Variants in SLC4A3 observed in about 807,000 individuals in gnomAD.
SLC4A3 encodes the protein solute carrier family 4 member 3.
Under a neutral mutation model 114.2 loss-of-function variants are expected in SLC4A3, and 47 were observed. The observed-to-expected ratio is 0.41, with a 90% CI of 0.33 to 0.52. The LOEUF is 0.52. Among genes scored for constraint, SLC4A3 ranks in the 20% least tolerant of loss-of-function variants. SLC4A3 has a pLI of 0.21. For synonymous variants in SLC4A3, 693 were observed against 710.3 expected, an observed-to-expected ratio of 0.98 and a Z score of 0.39; for missense variants, 1,312 against 1,668.3, an observed-to-expected ratio of 0.79 and a Z score of 3.72.
chr2:219,637,881 C>A lies in SLC4A3; in HGVS notation c.2766+70C>A. On this transcript the variant is annotated intron_variant, in intron 17 of 22. Transcript: ENST00000358055. The surrounding 1 kb of genome is among the most constrained non-coding windows in gnomAD (Gnocchi z 4.6). ...CTGCTGTAGGAGCTCCCCAGAGAGG[C>A]TGCACCCCTTCCCCGGTCAGCCCAT... 2.4e-6 allele frequency: 3 copies of A among 1,274,096 alleles called. No individual in the cohort carries two copies. The highest frequency in any genetic ancestry group is 3.4e-6 in the Non-Finnish European group (3 of 877,534). 78.9% of individuals were successfully genotyped at this position (1,274,096 alleles called of 1,614,324 possible).
intron 12 of SLC4A3, 74 bp from the exon 13 acceptor site, chr2:219,635,197 C>A: frequency 1.6e-6 from 2 of 1,213,540 alleles, no homozygotes; most frequent in Non-Finnish European, 2.4e-6. Context: ...AGTGACCCAA[C>A]ACCCGCCTCA....
chr2:219,641,072 T>G lies in SLC4A3; in HGVS notation c.3621+110T>G. 1 of 1,043,332 alleles carries G rather than the reference T, an allele frequency of 9.6e-7. No homozygotes were observed. The allele number at this position is 1,043,332 out of a possible 1,614,324, so 64.6% of individuals were successfully genotyped here. A position where few individuals can be genotyped will look rare whatever the true frequency, so the allele number is the denominator to read the frequency against. ...TTAGTTGTGAAACTTGTGTAACTTG[T>G]GTTGCAAGTTATCTCACCTTCCGAA... is the stretch of plus-strand genomic sequence containing the variant. On this transcript the variant is annotated intron_variant, in intron 22 of 22. Transcript: ENST00000358055. This position sits in a 1 kb window ranked among gnomAD's most constrained non-coding sequence, Gnocchi z 4.0.
In SLC4A3 at chr2:219,637,708, A is replaced by T; in HGVS notation, c.2663A>T (p.Asn888Ile). The change falls in exon 17 of 23, where the codon AAC becomes ATC. Residue 888 changes from asparagine to isoleucine, a missense_variant. By Grantham distance (149) the Asn-to-Ile change is moderately radical. Transcript: ENST00000358055. The surrounding 1 kb of genome is among the most constrained non-coding windows in gnomAD (Gnocchi z 4.6). ...ACCGAGGGCCCCCCCAGCCCGAGGA[A>T]CCAGCCCAATACGGCACTGCTCTCA... The part of the protein sequence containing the change: ...PPTEGPPSPR[N>I]QPNTALLSLI... 6.2e-7 allele frequency: 1 copy of T among 1,612,818 alleles called. No homozygotes were observed. Among genetic ancestry groups the T allele is most frequent in the Non-Finnish European group, 8.5e-7 (1 of 1,179,026 alleles).
chr2:219,638,217 C>G lies in SLC4A3; in HGVS notation c.2820C>G (p.Val940=), dbSNP rs779427553. The G allele has an allele frequency of 1.1e-5, 18 of 1,612,630 alleles. No individual in the cohort carries two copies. Among genetic ancestry groups the G allele is most frequent in the Non-Finnish European group, 1.5e-5 (18 of 1,179,344 alleles). Residue 940 remains valine, a synonymous_variant, in exon 18 of 23, where the codon GTC becomes GTG. Transcript: ENST00000358055. This position sits in a 1 kb window ranked among gnomAD's most constrained non-coding sequence, Gnocchi z 7.5. ...FGIPISILVM[V]LVDYSITDTY... is the part of the protein sequence containing the mutation. ...TCCCCATCTCCATCCTGGTGATGGTCCTGGTGGATTACTCCATCACAGACA... is the reference window on the plus strand; with the variant it reads ...TCCCCATCTCCATCCTGGTGATGGTGCTGGTGGATTACTCCATCACAGACA...
In SLC4A3 at chr2:219,640,968, G is replaced by A. The variant is rs763120197; in HGVS notation, c.3621+6G>A. On this transcript the variant is annotated splice_donor_region_variant and intron_variant, in intron 22 of 22. Coordinates refer to ENST00000358055, the MANE Select transcript of SLC4A3 (RefSeq NM_005070.4). ...AGGACAGGGAGCTGCAGGCGGTAAG[G>A]GGGTGGTGGTCTGGGGAAACAGTGT... The A allele has an allele frequency of 6.2e-7, 1 of 1,603,380 alleles. No individual in the cohort carries two copies. Among genetic ancestry groups the A allele is most frequent in the Non-Finnish European group, 8.5e-7 (1 of 1,179,748 alleles).
In SLC4A3 at chr2:219,629,788, G is replaced by A. The variant is rs1698852923; in HGVS notation, c.611+93G>A. On this transcript the variant is annotated intron_variant, in intron 5 of 22. Transcript: ENST00000358055. ...CACCTCCTTCCTGACCCTGGGGAGT[G>A]TCCCCAGCTCTGACCCTGAGAAAAG... is the stretch of plus-strand genomic sequence containing the variant. The A allele has an allele frequency of 5.3e-6, 4 of 757,910 alleles. No homozygotes were observed. The South Asian group carries it at 7.0e-5, about 13-fold the overall frequency. 46.9% of individuals were successfully genotyped at this position (757,910 alleles called of 1,614,324 possible).
chr2:219,635,255 CTCT>C lies in SLC4A3; in HGVS notation c.1747-15_1747-13del. ...TTGGCTGTCCCTGAGGGTCCTGGCC[CTCT>C]CATTGCCCCCAGCTGTTTCATGAGG... On this transcript the variant is annotated splice_polypyrimidine_tract_variant and intron_variant, in intron 12 of 22. Coordinates refer to ENST00000358055, the MANE Select transcript of SLC4A3 (RefSeq NM_005070.4). 6.2e-7 allele frequency: 1 copy of C among 1,611,292 alleles called. No homozygotes were observed. The highest frequency in any genetic ancestry group is 8.5e-7 in the Non-Finnish European group (1 of 1,177,590).
In SLC4A3 at chr2:219,630,744, G is replaced by A. The variant is rs1698888762; in HGVS notation, c.811+392G>A. On this transcript the variant is annotated intron_variant, in intron 6 of 22. Coordinates refer to ENST00000358055, the MANE Select transcript of SLC4A3 (RefSeq NM_005070.4). The surrounding 1 kb of genome is among the most constrained non-coding windows in gnomAD (Gnocchi z 6.9). ...TTGCTCCGGACCCCTGCCTCTCCCT[G>A]TGTCAGGACCCTTCACTCCCATCCC... Among the ~76,000 whole-genome samples, 1 of 152,096 alleles carries A rather than the reference G, an allele frequency of 6.6e-6. No homozygotes were observed. Among genetic ancestry groups the A allele is most frequent in the African/African-American group, 2.4e-5 (1 of 41,428 alleles).
chr2:219,638,889 G>A lies in SLC4A3; in HGVS notation c.3023+20G>A, dbSNP rs1699222218. 1 of 1,611,048 alleles carries A rather than the reference G, an allele frequency of 6.2e-7. No homozygotes were observed. The highest frequency in any genetic ancestry group is 2.2e-5 in the East Asian group (1 of 44,858). Reference sequence around the variant, plus strand: ...CACGGCGTGAGAGAGATGGGAGGAGGAGGTGGGAGGGACGAGGCCAAGCTC... The same window carrying A: ...CACGGCGTGAGAGAGATGGGAGGAGAAGGTGGGAGGGACGAGGCCAAGCTC... On this transcript the variant is annotated intron_variant, in intron 19 of 22. Transcript: ENST00000358055. The surrounding 1 kb of genome is among the most constrained non-coding windows in gnomAD (Gnocchi z 7.5).
Position 219,635,336 on chromosome 2 carries a change from C to T in SLC4A3, c.1812C>T (p.Phe604=). ...ACCTCCTAAGTGCCATCAGCGAGTT[C>T]CTGGATGGCAGCATTGTGATCCCCC... ...RQDLLSAISE[F]LDGSIVIPPS... The change falls in exon 13 of 23, where the codon TTC becomes TTT. Residue 604 remains phenylalanine, a synonymous_variant. Coordinates refer to ENST00000358055, the MANE Select transcript of SLC4A3 (RefSeq NM_005070.4). The T allele has an allele frequency of 6.2e-7, 1 of 1,614,178 alleles. No individual in the cohort carries two copies. Among genetic ancestry groups the T allele is most frequent in the Non-Finnish European group, 8.5e-7 (1 of 1,180,022 alleles).
At position 219,635,878 on chromosome 2, in the gene SLC4A3, CG is replaced by C; in HGVS notation, c.2184del (p.Leu729CysfsTer9). ...CAGCCCTCAGCCCTGCCATCACCTT[CG>C]GGGGGCTGCTGGGTAAGGGACTGGG... is the stretch of plus-strand genomic sequence containing the variant. ...FAALSPAITF[G>X]GLLGEKTEGL... On this transcript the variant is annotated frameshift_variant, in exon 14 of 23. Coordinates refer to ENST00000358055, the MANE Select transcript of SLC4A3 (RefSeq NM_005070.4). LOFTEE classifies it high-confidence loss of function. 6.6e-7 allele frequency: 1 copy of C among 1,520,156 alleles called. No homozygotes were observed. The highest frequency in any genetic ancestry group is 8.8e-7 in the Non-Finnish European group (1 of 1,137,316). The allele number at this position is 1,520,156 out of a possible 1,614,324, so 94.2% of individuals were successfully genotyped here. A position where few individuals can be genotyped will look rare whatever the true frequency, so the allele number is the denominator to read the frequency against.
rs777314302 is a variant in SLC4A3, at chr2:219,633,317, C to G, written c.1321C>G (p.Pro441Ala). ...GGACAGTGGCTTCTTTCCCCGAAACCCATCGAGCTCCAGCATGAACTCGGT... is the reference window on the plus strand; with the variant it reads ...GGACAGTGGCTTCTTTCCCCGAAACGCATCGAGCTCCAGCATGAACTCGGT... ...DKDSGFFPRN[P>A]SSSSMNSVLG... Residue 441 changes from proline (P) to alanine (A), a missense_variant, in exon 10 of 23, where the codon CCA becomes GCA. Physicochemically the swap from Pro to Ala is conservative, Grantham distance 27. Around this residue, in one of 4 missense-constraint regions of SLC4A3, gnomAD observed 771 missense variants for 977.7 expected, o/e 0.79. Coordinates refer to ENST00000358055, the MANE Select transcript of SLC4A3 (RefSeq NM_005070.4). 1.3e-6 allele frequency: 2 copies of G among 1,599,236 alleles called. No individual in the cohort carries two copies. The highest frequency in any genetic ancestry group is 8.5e-7 in the Non-Finnish European group (1 of 1,170,788).
Position 219,641,798 on chromosome 2 carries a change from C to T in SLC4A3, c.*70C>T. 7.5e-7 allele frequency: 1 copy of T among 1,331,574 alleles called. No individual in the cohort carries two copies. Among genetic ancestry groups the T allele is most frequent in the Non-Finnish European group, 1.1e-6 (1 of 926,642 alleles). 82.5% of individuals were successfully genotyped at this position (1,331,574 alleles called of 1,614,324 possible). A position where few individuals can be genotyped will look rare whatever the true frequency, so the allele number is the denominator to read the frequency against. ...TGACACCTGGGCCTCAGGCAGAGCC[C>T]AGCCCTGGGCTGGGGGGCTCCTCAG... On this transcript the variant is annotated 3_prime_UTR_variant, in exon 23 of 23. Transcript: ENST00000358055. The surrounding 1 kb of genome is among the most constrained non-coding windows in gnomAD (Gnocchi z 4.0).
Position 219,631,336 on chromosome 2 carries a change from C to T in SLC4A3, c.812-632C>T, listed in dbSNP as rs1698913008. ...TGGGGCTTTGGGAGGGATCCAGCCCCCAGTCCTCGAGACTCACTGGCCCCG... is the reference window on the plus strand; with the variant it reads ...TGGGGCTTTGGGAGGGATCCAGCCCTCAGTCCTCGAGACTCACTGGCCCCG... On this transcript the variant is annotated intron_variant, in intron 6 of 22. Transcript: ENST00000358055. This position sits in a 1 kb window ranked among gnomAD's most constrained non-coding sequence, Gnocchi z 6.3. 3 of 1,304,106 alleles carry T rather than the reference C, an allele frequency of 2.3e-6. No individual in the cohort carries two copies. The highest frequency in any genetic ancestry group is 2.3e-5 in the Admixed American group (1 of 43,534). 80.8% of individuals were successfully genotyped at this position (1,304,106 alleles called of 1,614,324 possible).
In SLC4A3 at chr2:219,637,943, C is replaced by T. The variant is rs573301943; in HGVS notation, c.2766+132C>T. 1,629 of 747,414 alleles carry T rather than the reference C, an allele frequency of 2.2e-3. 43 individuals carry two copies. The South Asian group carries it at 0.026, about 12-fold the overall frequency. 46.3% of individuals were successfully genotyped at this position (747,414 alleles called of 1,614,324 possible). On this transcript the variant is annotated intron_variant, in intron 17 of 22. Coordinates refer to ENST00000358055, the MANE Select transcript of SLC4A3 (RefSeq NM_005070.4). This position sits in a 1 kb window ranked among gnomAD's most constrained non-coding sequence, Gnocchi z 4.6. Reference sequence around the variant, plus strand: ...CAGCTCGGGCAGCCCCTCACCCCTTCGGAAGCCTCTTCCCTGGGTGTCTTC... The same window carrying T: ...CAGCTCGGGCAGCCCCTCACCCCTTTGGAAGCCTCTTCCCTGGGTGTCTTC...
In SLC4A3 at chr2:219,628,883, T is replaced by C; in HGVS notation, c.218-261T>C. On this transcript the variant is annotated intron_variant, in intron 3 of 22. Transcript: ENST00000358055. This position sits in a 1 kb window ranked among gnomAD's most constrained non-coding sequence, Gnocchi z 4.8. ...CTTGTCCCACCTCGGCTAGTCCAACTCCGCCTTTCCCCTCCTTGCTGTATC... is the reference window on the plus strand; with the variant it reads ...CTTGTCCCACCTCGGCTAGTCCAACCCCGCCTTTCCCCTCCTTGCTGTATC... The C allele has an allele frequency of 1.7e-6, 1 of 583,402 alleles. No homozygotes were observed. Among genetic ancestry groups the C allele is most frequent in the Non-Finnish European group, 3.0e-6 (1 of 335,204 alleles). The allele number at this position is 583,402 out of a possible 1,614,324, so 36.1% of individuals were successfully genotyped here.
At chr2:219,634,379 C>T in intron 11 of SLC4A3, 41 bp from the exon 12 acceptor site, 1 of 1,604,040 alleles carries the variant, frequency 6.2e-7, no homozygotes, top group Non-Finnish European at 8.5e-7. Context: ...GCCTTGACTG[C>T]TTCTCTTTGC....
rs1574659053 is a variant in SLC4A3 at position 219,639,964 on chromosome 2, C to G, written c.3277+229C>G. Among the ~76,000 whole-genome samples, 1 of 152,138 alleles carries G rather than the reference C, an allele frequency of 6.6e-6. No individual in the cohort carries two copies. Among genetic ancestry groups the G allele is most frequent in the Admixed American group, 6.5e-5 (1 of 15,284 alleles). ...TTTTTTTTTGAGACGGAGTCTCGCTCTGTCACCCAGGCTGGAGTGCAGTGG... is the reference window on the plus strand; with the variant it reads ...TTTTTTTTTGAGACGGAGTCTCGCTGTGTCACCCAGGCTGGAGTGCAGTGG... On this transcript the variant is annotated intron_variant, in intron 20 of 22. Coordinates refer to ENST00000358055, the MANE Select transcript of SLC4A3 (RefSeq NM_005070.4). This position sits in a 1 kb window ranked among gnomAD's most constrained non-coding sequence, Gnocchi z 5.9.
Position 219,636,030 on chromosome 2 carries a change from T to C in SLC4A3, c.2191+139T>C, listed in dbSNP as rs1699106890. 2.7e-6 allele frequency: 2 copies of C among 744,662 alleles called. No homozygotes were observed. Among genetic ancestry groups the C allele is most frequent in the Non-Finnish European group, 4.3e-6 (2 of 469,836 alleles). The allele number at this position is 744,662 out of a possible 1,614,324, so 46.1% of individuals were successfully genotyped here. A position where few individuals can be genotyped will look rare whatever the true frequency, so the allele number is the denominator to read the frequency against. ...TGTGCTAGCAAAGGTGTAAGCACCT[T>C]ACAGAGATGCTGGATCAGGGAATCC... On this transcript the variant is annotated intron_variant, in intron 14 of 22. Coordinates refer to ENST00000358055, the MANE Select transcript of SLC4A3 (RefSeq NM_005070.4). This position sits in a 1 kb window ranked among gnomAD's most constrained non-coding sequence, Gnocchi z 5.5.
Sources: allele counts gnomAD v4.1 joint callset (sites outside exome capture counted in the v4.1 genomes callset), GRCh38; gene constraint gnomAD v4.1.1; regional missense constraint gnomAD v4.1.1; non-coding constraint Gnocchi (gnomAD v3.1); transcripts MANE v1.5; gene names NCBI Gene and HGNC (gene_info 2026-07-23, HGNC 2026-07-21).